Variants in OC90 observed in about 807,000 individuals in gnomAD.
OC90 encodes otoconin-90.
OC90 carries 46 observed loss-of-function variants against 47.3 expected under a neutral mutation model. The ratio of observed to expected loss-of-function variants is 0.97; its 90% CI spans 0.77 to 1.24. The LOEUF is 1.24. OC90 is among the 50% of genes most tolerant of loss of function. OC90 has a pLI of 0.00. For missense variants in OC90, 688 were observed against 583.9 expected (o/e 1.18, Z -1.84); for synonymous variants, 271 against 219.5 (o/e 1.23, Z -2.07).
intron 6 of OC90, among the ~76,000 whole-genome samples, chr8:132,040,223 G>A (rs774926389): frequency 6.6e-6 from 1 of 152,188 alleles, no homozygotes; most frequent in African/African-American, 2.4e-5. Context: ...TCAGATCAGG[G>A]TTCAAACCCT....
intron 12 of OC90, 133 bp from the exon 13 acceptor site, chr8:132,029,312 G>T (rs2130851169): frequency 2.9e-6 from 2 of 693,770 alleles, no homozygotes; most frequent in East Asian, 2.7e-5. Flanking sequence ...TGCACACAGG[G>T]CTGACTCATA....
intron 10 of OC90, among the ~76,000 whole-genome samples, chr8:132,033,726 T>C (rs968301603): frequency 1.3e-5 from 2 of 152,164 alleles, no homozygotes; most frequent in Non-Finnish European, 2.9e-5. Context: ...TGCCTGACAC[T>C]CTCTCTGGAT....
intron 12 of OC90, among the ~76,000 whole-genome samples, chr8:132,029,623 A>G (rs1822843503): frequency 6.6e-6 from 1 of 152,148 alleles, no homozygotes; most frequent in Admixed American, 6.6e-5. Context: ...TCTCACATCC[A>G]CAGTGCACTG....
At position 132,024,740 on chromosome 8, in the gene OC90, G is replaced by A. The variant is rs1372932002; in HGVS notation, c.1175C>T (p.Ala392Val). The change falls in exon 14 of 14, where the codon GCC (alanine) becomes GTC (valine). Residue 392 changes from alanine (A) to valine (V), a missense_variant. Transcript: ENST00000254627. ...GQSLCEKLLC[A>V]CDQTAAECMT... is the part of the protein sequence containing the mutation. ...GCACTCAGCTGCCGTCTGGTCACAGGCACAGAGCAACTTCTCACACAGGCT... is the reference window on the plus strand; with the variant it reads ...GCACTCAGCTGCCGTCTGGTCACAGACACAGAGCAACTTCTCACACAGGCT... 1.3e-5 allele frequency: 21 copies of A among 1,613,812 alleles called. No homozygotes were observed. Among genetic ancestry groups the A allele is most frequent in the Non-Finnish European group, 1.8e-5 (21 of 1,179,816 alleles).
intron 1 of OC90, among the ~76,000 whole-genome samples, chr8:132,058,625 G>C (rs572111710): frequency 3.9e-5 from 6 of 152,142 alleles, no homozygotes; most frequent in Non-Finnish European, 8.8e-5. Context: ...CATTTTCCTG[G>C]GCAGCGAAAT....
rs10093182 is a variant in OC90 at position 132,055,834 on chromosome 8, C to T, written c.-47-761G>A. ...AATTGTAGCTGCCGTCTGCTGAGAT[C>T]AGCAAATATTTAACTTCAATAAGCC... is the stretch of plus-strand genomic sequence containing the variant. On this transcript the variant is annotated intron_variant, in intron 1 of 13. Transcript: ENST00000254627. 2.6e-5 allele frequency among the ~76,000 whole-genome samples: 4 copies of T among 152,156 alleles called. No homozygotes were observed. The South Asian group carries it at 6.2e-4, about 24-fold the overall frequency.
intron 12 of OC90, among the ~76,000 whole-genome samples, chr8:132,030,497 C>T (rs1822858292): frequency 6.6e-6 from 1 of 152,104 alleles, no homozygotes; most frequent in South Asian, 2.1e-4. Flanking sequence ...CACTTTTTCC[C>T]AAGGGGTTCA....
chr8:132,038,734 C>A, intron 8 of OC90, 56 bp downstream of exon 8: 1 of 1,402,076 alleles, frequency 7.1e-7, no homozygotes, highest in South Asian at 1.2e-5. Context: ...TCCACCGGCT[C>A]CCATCAGCAT....
intron 2 of OC90, among the ~76,000 whole-genome samples, chr8:132,050,597 T>C (rs1823198459): frequency 6.6e-6 from 1 of 152,186 alleles, no homozygotes; most frequent in Non-Finnish European, 1.5e-5. Flanking sequence ...CTGTGAGACT[T>C]CGGGCACGTG....
chr8:132,026,762 A>G (rs1211859654), intron 13 of OC90, among the ~76,000 whole-genome samples: 1 of 152,166 alleles, frequency 6.6e-6, no homozygotes, highest in Non-Finnish European at 1.5e-5. Context: ...GCATGATTGC[A>G]TCATGTGACA....
chr8:132,035,414 G>C (rs1420972297), intron 9 of OC90, among the ~76,000 whole-genome samples: 1 of 152,122 alleles, frequency 6.6e-6, no homozygotes, highest in African/African-American at 2.4e-5. Context: ...AGAAAAGTTA[G>C]GTCCCTTTTC....
At chr8:132,043,052 G>A (rs1823077263) in intron 4 of OC90, among the ~76,000 whole-genome samples, 2 of 152,150 alleles carry the variant, frequency 1.3e-5, no homozygotes, top group Non-Finnish European at 2.9e-5. Flanking sequence ...AAGAAAATGT[G>A]GTACAAATAT....
intron 2 of OC90, among the ~76,000 whole-genome samples, chr8:132,050,669 C>A (rs960793019): frequency 9.2e-5 from 14 of 152,084 alleles, no homozygotes; most frequent in Admixed American, 8.5e-4. Context: ...ATCTGCCTGG[C>A]AAGATGCTTC....
intron 13 of OC90, 100 bp from the exon 14 acceptor site, chr8:132,024,876 C>T (rs1341236590): frequency 1.0e-6 from 1 of 982,652 alleles, no homozygotes. Context: ...CCTTCCTCCC[C>T]ATCTTCCACA....
intron 9 of OC90, among the ~76,000 whole-genome samples, chr8:132,036,891 T>A (rs1402951951): frequency 6.6e-6 from 1 of 152,242 alleles, no homozygotes; most frequent in African/African-American, 2.4e-5. Context: ...ATCCAGCCTA[T>A]GATTTGATAG....
chr8:132,042,085 T>G (rs1823062018), intron 4 of OC90, among the ~76,000 whole-genome samples: 1 of 133,372 alleles, frequency 7.5e-6, no homozygotes, highest in South Asian at 2.8e-4. Context: ...TTCTGAGAAA[T>G]ATTTCTTTTC....
chr8:132,024,622 A>T lies in OC90; in HGVS notation c.1293T>A (p.Pro431=). 6.2e-7 allele frequency: 1 copy of T among 1,613,552 alleles called. No homozygotes were observed. Among genetic ancestry groups the T allele is most frequent in the Non-Finnish European group, 8.5e-7 (1 of 1,179,730 alleles). Residue 431 remains proline (P), a synonymous_variant, in exon 14 of 14, where the codon CCT becomes CCA. Transcript: ENST00000254627. ...QPAACEDSLH[P]VPAAPTLGSS... ...AGCCCAGGGTGGGGGCTGCGGGCACAGGGTGCAGGCTGTCTTCACAGGCTG... is the reference window on the plus strand; with the variant it reads ...AGCCCAGGGTGGGGGCTGCGGGCACTGGGTGCAGGCTGTCTTCACAGGCTG...
chr8:132,026,307 T>C (rs1390316014), intron 13 of OC90, among the ~76,000 whole-genome samples: 1 of 152,232 alleles, frequency 6.6e-6, no homozygotes, highest in Non-Finnish European at 1.5e-5. Context: ...TTTTTTGGCA[T>C]CTAATCCTAC....
At position 132,039,020 on chromosome 8, in the gene OC90, G is replaced by T. The variant is rs760476128; in HGVS notation, c.561C>A (p.Thr187=). ...CTGGAGTCTGAGCCAGGCAGAAGGA[G>T]GTGTCCAGAAGGTTCAGGGAAGAGT... ...SLNSSLNLLD[T]SFCLAQTPET... Residue 187 remains threonine, a synonymous_variant, in exon 7 of 14, where the codon ACC becomes ACA. Transcript: ENST00000254627. The T allele has an allele frequency of 1.2e-5, 19 of 1,613,836 alleles. No individual in the cohort carries two copies. The highest frequency in any genetic ancestry group is 1.5e-5 in the Non-Finnish European group (18 of 1,179,890).
Sources: gnomAD v4.1 joint callset for allele counts (sites outside exome capture counted in the v4.1 genomes callset) on GRCh38, gnomAD v4.1.1 for gene constraint, MANE v1.5 for transcripts, NCBI Gene and HGNC (gene_info 2026-07-23, HGNC 2026-07-21) for gene names.